The following AGBL4 variants were observed in gnomAD, a reference collection of about 807,000 sequenced individuals.
AGBL4 encodes cytosolic carboxypeptidase 6.
A neutral mutation model predicts 66.4 loss-of-function variants in AGBL4; 58 were observed. The ratio of observed to expected loss-of-function variants is 0.87; its 90% CI spans 0.71 to 1.09. The LOEUF is 1.09. AGBL4 is among the 50% of genes least tolerant of loss of function. The pLI, the probability that AGBL4 is intolerant of heterozygous loss-of-function variation, is 0.00. For missense variants in AGBL4, 579 were observed against 631.0 expected (o/e 0.92, Z 0.88); for synonymous variants, 234 against 222.9 (o/e 1.05, Z -0.44).
intron 3 of AGBL4, among the ~76,000 whole-genome samples, chr1:49,380,327 G>C (rs1644572901): frequency 6.6e-6 from 1 of 152,042 alleles, no homozygotes; most frequent in African/African-American, 2.4e-5. Context: ...ACAAACCACT[G>C]CTTAATGAAA....
intron 11 of AGBL4, among the ~76,000 whole-genome samples, chr1:48,566,610 G>T (rs1035843563): frequency 6.6e-6 from 1 of 152,248 alleles, no homozygotes; most frequent in African/African-American, 2.4e-5. Context: ...TTCTGTGAGG[G>T]TGCTTGTGGA....
At chr1:48,629,719 A>T (rs1192638092) in intron 9 of AGBL4, among the ~76,000 whole-genome samples, 1 of 152,070 alleles carries the variant, frequency 6.6e-6, no homozygotes. Context: ...TGGGAATGGG[A>T]GTGGGTGATG....
chr1:48,781,675 C>T (rs879890503), intron 6 of AGBL4, among the ~76,000 whole-genome samples: 1 of 152,194 alleles, frequency 6.6e-6, no homozygotes, highest in Non-Finnish European at 1.5e-5. Flanking sequence ...ACTAGCTCCC[C>T]TTAACTTTTA....
intron 2 of AGBL4, among the ~76,000 whole-genome samples, chr1:49,712,495 G>T (rs1010517332): frequency 6.6e-6 from 1 of 151,764 alleles, no homozygotes; most frequent in African/African-American, 2.4e-5. Context: ...AATATAAAAA[G>T]TTGCAGTTAT....
At chr1:48,779,704 CTTTTTTTTTTT>C (rs200375125) in intron 6 of AGBL4, among the ~76,000 whole-genome samples, 21 of 137,176 alleles carry the variant, frequency 1.5e-4, no homozygotes, top group South Asian at 2.3e-4. Flanking sequence ...CTGTTCCTCT[CTTTTTTTTTTT>C]TTTTTTTTTT....
chr1:49,408,499 A>G (rs1645250263), intron 3 of AGBL4, among the ~76,000 whole-genome samples: 2 of 152,218 alleles, frequency 1.3e-5, no homozygotes, highest in Admixed American at 1.3e-4. Context: ...GGAGATTAAC[A>G]TTTGAGTCAG....
intron 2 of AGBL4, among the ~76,000 whole-genome samples, chr1:49,731,071 C>T (rs1649408439): frequency 1.3e-5 from 2 of 152,130 alleles, no homozygotes; most frequent in Admixed American, 1.3e-4. Context: ...AAGCATCAGA[C>T]ACAGATGAAA....
chr1:49,180,056 C>T (rs1646902840), intron 4 of AGBL4, among the ~76,000 whole-genome samples: 1 of 152,074 alleles, frequency 6.6e-6, no homozygotes, highest in African/African-American at 2.4e-5. Context: ...CATGCACCAC[C>T]ATGCCCGGCT....
chr1:49,186,399 C>T (rs1647017165), intron 4 of AGBL4, among the ~76,000 whole-genome samples: 1 of 152,172 alleles, frequency 6.6e-6, no homozygotes, highest in Admixed American at 6.6e-5. Context: ...TACTTCCATA[C>T]TAAAAGTATA....
intron 3 of AGBL4, among the ~76,000 whole-genome samples, chr1:49,483,826 G>A (rs1488861873): frequency 6.6e-6 from 1 of 151,664 alleles, no homozygotes; most frequent in African/African-American, 2.4e-5. Context: ...CCCATAGAAT[G>A]GCAGAAAATA....
chr1:48,695,251 C>T (rs1007454437), intron 6 of AGBL4, among the ~76,000 whole-genome samples: 2 of 152,178 alleles, frequency 1.3e-5, no homozygotes, highest in Admixed American at 6.5e-5. Flanking sequence ...TCCTAGTTCC[C>T]CAGCTGGTGA....
At chr1:48,686,548 C>T (rs981176085) in intron 6 of AGBL4, among the ~76,000 whole-genome samples, 2 of 152,088 alleles carry the variant, frequency 1.3e-5, no homozygotes, top group African/African-American at 4.8e-5. Flanking sequence ...AGAAAGATAA[C>T]AGAAAGGAAG....
intron 5 of AGBL4, among the ~76,000 whole-genome samples, chr1:48,986,048 T>C (rs1660154973): frequency 6.6e-6 from 1 of 152,070 alleles, no homozygotes; most frequent in Non-Finnish European, 1.5e-5. Flanking sequence ...AAATTAGATA[T>C]TGCAGATAAA....
intron 9 of AGBL4, among the ~76,000 whole-genome samples, chr1:48,622,617 G>A (rs955350284): frequency 5.9e-5 from 9 of 151,420 alleles, no homozygotes; most frequent in Non-Finnish European, 1.2e-4. Flanking sequence ...CCGAGTAGCT[G>A]GGACTACAGG....
At chr1:49,306,511 T>C (rs1173417598) in intron 3 of AGBL4, among the ~76,000 whole-genome samples, 3 of 152,198 alleles carry the variant, frequency 2.0e-5, no homozygotes, top group Admixed American at 6.5e-5. Flanking sequence ...GTGAACATCA[T>C]AGCCTTTACA....
chr1:48,713,166 G>A lies in AGBL4; in HGVS notation c.635-49925C>T, dbSNP rs80126476. Among the ~76,000 whole-genome samples, 74 of 152,290 alleles carry A rather than the reference G, an allele frequency of 4.9e-4. No homozygotes were observed. The East Asian group carries it at 6.8e-3, about 14-fold the overall frequency. On this transcript the variant is annotated intron_variant, in intron 6 of 13. Transcript: ENST00000371839. ...TTGTCTGGTAGGTGAGACAGGGAGG[G>A]AAACAAAGAGAATTCAGCAAAGTGA...
Position 49,932,625 on chromosome 1 carries a change from A to AACAACCCCT in AGBL4, c.35-81116_35-81108dup, listed in dbSNP as rs376558073. Among the ~76,000 whole-genome samples the AACAACCCCT allele has an allele frequency of 1.9e-3, 284 of 152,228 alleles. 2 individuals carry two copies. Among genetic ancestry groups the AACAACCCCT allele is most frequent in the African/African-American group, 6.5e-3 (269 of 41,562 alleles). Reference sequence around the variant, plus strand: ...GATAAAACACATATCAAGAATATATAACAACCCCTCAAAACTCAAAAATAA... The same window carrying AACAACCCCT: ...GATAAAACACATATCAAGAATATATAACAACCCCTACAACCCCTCAAAACTCAAAAATAA... On this transcript the variant is annotated intron_variant, in intron 1 of 13. Transcript: ENST00000371839.
intron 11 of AGBL4, among the ~76,000 whole-genome samples, chr1:48,560,141 T>G (rs1029567062): frequency 6.6e-6 from 1 of 152,184 alleles, no homozygotes; most frequent in Non-Finnish European, 1.5e-5. Context: ...GCTTTTTATC[T>G]TGTGTTATAA....
chr1:48,631,744 C>T (rs1170599309), intron 9 of AGBL4, among the ~76,000 whole-genome samples: 2 of 152,084 alleles, frequency 1.3e-5, no homozygotes, highest in African/African-American at 2.4e-5. Flanking sequence ...CAAATCAGAA[C>T]AATTTCGGGA....
Sources: allele counts gnomAD v4.1 joint callset (sites outside exome capture counted in the v4.1 genomes callset), GRCh38; gene constraint gnomAD v4.1.1; transcripts MANE v1.5; gene names NCBI Gene and HGNC (gene_info 2026-07-23, HGNC 2026-07-21).